HPSE2: variants seen among roughly 807,000 people sequenced by gnomAD.
HPSE2 encodes inactive heparanase-2.
Under a neutral mutation model 60.5 loss-of-function variants are expected in HPSE2, and 38 were observed. The observed-to-expected ratio is 0.63, with a 90% CI of 0.48 to 0.82. HPSE2 has a LOEUF of 0.82. Among genes scored for constraint, HPSE2 ranks in the 40% least tolerant of loss-of-function variants. HPSE2 has a pLI of 0.00. For missense variants in HPSE2, 713 were observed against 740.4 expected (o/e 0.96, Z 0.43); for synonymous variants, 295 against 293.2 (o/e 1.01, Z -0.06).
At chr10:98,883,917 G>A (rs770852829) in intron 3 of HPSE2, among the ~76,000 whole-genome samples, 2 of 152,106 alleles carry the variant, frequency 1.3e-5, no homozygotes, top group Non-Finnish European at 2.9e-5. Flanking sequence ...AGCTTAGTGA[G>A]AAAGGCATGT....
chr10:99,063,551 T>C (rs1842516585), intron 3 of HPSE2, among the ~76,000 whole-genome samples: 1 of 152,218 alleles, frequency 6.6e-6, no homozygotes, highest in African/African-American at 2.4e-5. Context: ...GTGGGCAATT[T>C]CCCTGTACTG....
At chr10:98,682,178 G>T (rs1947803038) in intron 6 of HPSE2, among the ~76,000 whole-genome samples, 1 of 152,148 alleles carries the variant, frequency 6.6e-6, no homozygotes, top group African/African-American at 2.4e-5. Context: ...TTTCTCCCAA[G>T]ATCTGGTTGT....
chr10:98,614,138 G>C (rs947764751), intron 9 of HPSE2, among the ~76,000 whole-genome samples: 2 of 152,000 alleles, frequency 1.3e-5, no homozygotes, highest in African/African-American at 4.8e-5. Context: ...TCTGATCTTG[G>C]ATAACACTCC....
At chr10:98,933,728 TTTTTC>T (rs1219753025) in intron 3 of HPSE2, among the ~76,000 whole-genome samples, 9 of 141,386 alleles carry the variant, frequency 6.4e-5, no homozygotes, top group Admixed American at 1.4e-4. Flanking sequence ...TGCCTTTTTC[TTTTTC>T]TTTTCTTTTT....
At chr10:98,884,236 G>T (rs1267880221) in intron 3 of HPSE2, among the ~76,000 whole-genome samples, 1 of 152,140 alleles carries the variant, frequency 6.6e-6, no homozygotes, top group African/African-American at 2.4e-5. Flanking sequence ...TTTAAGGAAA[G>T]AAGCTATCTC....
chr10:98,553,600 T>G (rs1393517187), intron 9 of HPSE2, among the ~76,000 whole-genome samples: 1 of 152,210 alleles, frequency 6.6e-6, no homozygotes, highest in Non-Finnish European at 1.5e-5. Flanking sequence ...CAGCTGAATT[T>G]TCTACCATCC....
At chr10:98,482,540 C>CT in intron 11 of HPSE2, 96 bp downstream of exon 11, 1 of 1,493,918 alleles carries the variant, frequency 6.7e-7, no homozygotes, top group Non-Finnish European at 9.3e-7. Context: ...CCACTGAGCC[C>CT]TTGAGAGAAT....
intron 2 of HPSE2, among the ~76,000 whole-genome samples, chr10:99,174,434 A>G (rs962141463): frequency 6.6e-6 from 1 of 152,240 alleles, no homozygotes; most frequent in African/African-American, 2.4e-5. Context: ...TAGGAGATGT[A>G]TCGTCAACAA....
chr10:98,835,830 C>A (rs911357122), intron 3 of HPSE2, among the ~76,000 whole-genome samples: 2 of 152,156 alleles, frequency 1.3e-5, no homozygotes, highest in African/African-American at 4.8e-5. Context: ...GTCCTCACAC[C>A]TTTTCTTTGG....
At chr10:99,001,144 A>T (rs1956769393) in intron 3 of HPSE2, among the ~76,000 whole-genome samples, 1 of 152,130 alleles carries the variant, frequency 6.6e-6, no homozygotes, top group South Asian at 2.1e-4. Context: ...AATTTGGTAC[A>T]TTAGAAAATG....
chr10:99,161,904 A>C (rs1176480418), intron 2 of HPSE2, among the ~76,000 whole-genome samples: 1 of 152,232 alleles, frequency 6.6e-6, no homozygotes, highest in African/African-American at 2.4e-5. Flanking sequence ...CCTTGAGGAC[A>C]TGATACCAAA....
At chr10:98,822,677 C>T (rs760109057) in intron 3 of HPSE2, among the ~76,000 whole-genome samples, 1 of 152,014 alleles carries the variant, frequency 6.6e-6, no homozygotes, top group Non-Finnish European at 1.5e-5. Flanking sequence ...GAAAAAGAGG[C>T]CAACTTTAAC....
At position 98,481,203 on chromosome 10, in the gene HPSE2, T is replaced by C. The variant is rs370889598; in HGVS notation, c.1613+1433A>G. On this transcript the variant is annotated intron_variant, in intron 11 of 11. Coordinates refer to ENST00000370552, the MANE Select transcript of HPSE2 (RefSeq NM_021828.5). ...TGTCAGAAATGGCTTTGCAGATCATTATTTAATGGCAGCAGGAGATTTAAA... is the reference window on the plus strand; with the variant it reads ...TGTCAGAAATGGCTTTGCAGATCATCATTTAATGGCAGCAGGAGATTTAAA... Among the ~76,000 whole-genome samples, 6 of 152,302 alleles carry C rather than the reference T, an allele frequency of 3.9e-5. No homozygotes were observed. In the East Asian group the frequency reaches 9.7e-4, roughly 25 times the overall value.
intron 3 of HPSE2, among the ~76,000 whole-genome samples, chr10:99,114,935 GAAC>G (rs1198427694): frequency 1.3e-5 from 2 of 150,212 alleles, no homozygotes; most frequent in African/African-American, 4.9e-5. Context: ...AGAAGAAGAA[GAAC>G]ATGACCACTT....
At chr10:99,186,909 AG>A (rs1848050694) in intron 2 of HPSE2, among the ~76,000 whole-genome samples, 1 of 151,894 alleles carries the variant, frequency 6.6e-6, no homozygotes, top group Admixed American at 6.6e-5. Flanking sequence ...CAGTCTCCCT[AG>A]TAGCTGGAAC....
chr10:98,674,863 A>G (rs1234383925), intron 6 of HPSE2, among the ~76,000 whole-genome samples: 1 of 152,162 alleles, frequency 6.6e-6, no homozygotes, highest in Non-Finnish European at 1.5e-5. Flanking sequence ...TGGAGGCTGC[A>G]GTGAGCTGAG....
chr10:99,011,293 T>C (rs1013678713), intron 3 of HPSE2, among the ~76,000 whole-genome samples: 5 of 152,200 alleles, frequency 3.3e-5, no homozygotes, highest in African/African-American at 1.2e-4. Context: ...ATTTAGATAT[T>C]GAGTATTTCA....
chr10:98,918,288 A>G (rs539700414), intron 3 of HPSE2, among the ~76,000 whole-genome samples: 1 of 152,312 alleles, frequency 6.6e-6, no homozygotes, highest in East Asian at 1.9e-4. Context: ...TCAGGGATCT[A>G]GAACTAGAAA....
At chr10:99,248,825 C>A in the HPSE2 span, among the ~76,000 whole-genome samples, 1 of 152,216 alleles carries the variant, frequency 6.6e-6, no homozygotes, top group South Asian at 2.1e-4. Context: ...TCCCTGCATC[C>A]CAGCCCTCCA....
Sources: allele counts gnomAD v4.1 joint callset (sites outside exome capture counted in the v4.1 genomes callset), GRCh38; gene constraint gnomAD v4.1.1; transcripts MANE v1.5; gene names NCBI Gene and HGNC (gene_info 2026-07-23, HGNC 2026-07-21).